The following PATL1 variants were observed in gnomAD, a reference collection of about 807,000 sequenced individuals.
PATL1 encodes the protein PAT1 homolog 1, processing body mRNA decay factor, also known as protein PAT1 homolog 1.
A neutral mutation model predicts 100.6 loss-of-function variants in PATL1; 32 were observed. That is an observed-to-expected ratio of 0.32 (90% CI 0.24 to 0.43). The LOEUF (loss-of-function observed/expected upper bound fraction) is 0.43. PATL1 is among the 20% of genes least tolerant of loss of function. PATL1 has a pLI of 1.00. For missense variants in PATL1, 747 were observed against 949.9 expected (o/e 0.79, Z 2.81); for synonymous variants, 332 against 330.0 (o/e 1.01, Z -0.07).
At chr11:59,638,932 C>T (rs1016268411) in intron 18 of PATL1, 116 bp downstream of exon 18, 194 of 1,183,664 alleles carry the variant, frequency 1.6e-4, no homozygotes, top group Non-Finnish European at 2.1e-4. Flanking sequence ...ATCCACCCTC[C>T]TGGGTGTCCT....
At chr11:59,658,275 T>C (rs1736440397) in intron 4 of PATL1, among the ~76,000 whole-genome samples, 1 of 151,942 alleles carries the variant, frequency 6.6e-6, no homozygotes, top group African/African-American at 2.4e-5. Context: ...CAACCACTAG[T>C]AAACACTGAT....
intron 2 of PATL1, among the ~76,000 whole-genome samples, chr11:59,664,470 GA>G (rs1158180745): frequency 6.6e-6 from 1 of 152,108 alleles, no homozygotes; most frequent in Non-Finnish European, 1.5e-5. Flanking sequence ...TAATACTGAA[GA>G]ATTTGTTGAA....
At chr11:59,658,006 T>TA (rs1861561959) in intron 4 of PATL1, among the ~76,000 whole-genome samples, 2 of 151,414 alleles carry the variant, frequency 1.3e-5, no homozygotes, top group Non-Finnish European at 2.9e-5. Flanking sequence ...TATACAAAAA[T>TA]AAAAAAACTA....
intron 3 of PATL1, 49 bp from the exon 4 acceptor site, chr11:59,658,995 G>A (rs1279145711): frequency 6.9e-7 from 1 of 1,459,034 alleles, no homozygotes; most frequent in Non-Finnish European, 9.3e-7. Context: ...TATACTCTCT[G>A]GGTGACTTAT....
chr11:59,639,195 G>A lies in PATL1; in HGVS notation c.2144C>T (p.Thr715Met), dbSNP rs369053417. Residue 715 changes from threonine to methionine, a missense_variant and splice_region_variant, in exon 18 of 19, where the codon ACG (threonine) becomes ATG (methionine). Physicochemically the swap from Thr to Met is moderately conservative, Grantham distance 81 (BLOSUM62 -1). Transcript: ENST00000300146. ...ATESTQNNQWTEVMFMATREL... is the reference protein window; with the variant it reads ...ATESTQNNQWMEVMFMATREL... ...TCGTGTTGCCATGAACATCACCTCCGTCCTGACAGGGAAGACCCATAATAA... is the reference window on the plus strand; with the variant it reads ...TCGTGTTGCCATGAACATCACCTCCATCCTGACAGGGAAGACCCATAATAA... The A allele has an allele frequency of 1.2e-5, 19 of 1,613,642 alleles. No individual in the cohort carries two copies. The highest frequency in any genetic ancestry group is 1.6e-4 in the Middle Eastern group (1 of 6,062).
intron 2 of PATL1, among the ~76,000 whole-genome samples, chr11:59,662,837 T>C (rs1861643803): frequency 6.6e-6 from 1 of 152,184 alleles, no homozygotes; most frequent in African/African-American, 2.4e-5. Context: ...TCCTATCAAA[T>C]ATGGATAATC....
chr11:59,643,149 G>T (rs990081176), intron 15 of PATL1, 114 bp from the exon 16 acceptor site: 15 of 1,120,878 alleles, frequency 1.3e-5, no homozygotes, highest in Non-Finnish European at 1.6e-5. Context: ...TAAGGCACAA[G>T]TCTGGCAGAT....
At chr11:59,654,568 T>C (rs184464065) in intron 8 of PATL1, among the ~76,000 whole-genome samples, 116 of 151,996 alleles carry the variant, frequency 7.6e-4, no homozygotes, top group African/African-American at 2.3e-3. Flanking sequence ...ACATATCTTC[T>C]ACAAAGACCA....
intron 16 of PATL1, chr11:59,642,577 G>A (rs1861300782): frequency 4.5e-6 from 1 of 222,372 alleles, no homozygotes; most frequent in Admixed American, 5.7e-5. Context: ...AGCCATCTTG[G>A]ACCATGAGGA....
intron 2 of PATL1, among the ~76,000 whole-genome samples, chr11:59,660,445 TA>T (rs1021898004): frequency 6.6e-6 from 1 of 152,216 alleles, no homozygotes; most frequent in African/African-American, 2.4e-5. Flanking sequence ...ATTGAAAATT[TA>T]AATAGATGGT....
chr11:59,651,519 A>G, intron 12 of PATL1, 25 bp downstream of exon 12: 1 of 1,561,688 alleles, frequency 6.4e-7, no homozygotes, highest in South Asian at 1.1e-5. Context: ...GACGTTCTTA[A>G]ACAGACAATT....
rs907969555 is a variant in PATL1, at chr11:59,642,902, A to G, written c.2027T>C (p.Leu676Pro). Residue 676 changes from leucine to proline, a missense_variant, in exon 16 of 19, where the codon CTC (leucine) becomes CCC (proline). By Grantham distance (98) the Leu-to-Pro change is moderately conservative. Around this residue, in one of 4 missense-constraint regions of PATL1, gnomAD observed 434 missense variants for 596.1 expected, o/e 0.73. Coordinates refer to ENST00000300146, the MANE Select transcript of PATL1 (RefSeq NM_152716.3). ...CACCTTGTTCTGGAGCACAGCAGTG[A>G]GGTGAGGATTGGAGAGTGCTGGTGT... is the stretch of plus-strand genomic sequence containing the variant. ...AATPALSNPH[L>P]TAVLQNKFGL... 6.2e-7 allele frequency: 1 copy of G among 1,613,724 alleles called. No individual in the cohort carries two copies. The highest frequency in any genetic ancestry group is 1.7e-5 in the Admixed American group (1 of 59,978).
At chr11:59,649,425 T>C in intron 14 of PATL1, 37 bp downstream of exon 14, 2 of 1,602,440 alleles carry the variant, frequency 1.2e-6, no homozygotes, top group Non-Finnish European at 1.7e-6. Flanking sequence ...GAGGAAGGAG[T>C]CCAGTTAATG....
chr11:59,648,357 T>C (rs965666648), intron 14 of PATL1, among the ~76,000 whole-genome samples: 19 of 150,846 alleles, frequency 1.3e-4, no homozygotes, highest in African/African-American at 4.4e-4. Context: ...AGCTGATTTT[T>C]ATATTTTTCT....
chr11:59,668,759 G>A (rs1274379141), intron 1 of PATL1, 122 bp downstream of exon 1: 7 of 543,110 alleles, frequency 1.3e-5, no homozygotes, highest in South Asian at 1.2e-4. Flanking sequence ...GTCCAGCTAA[G>A]TCCTGCGACT....
At chr11:59,654,627 G>A (rs764699864) in intron 8 of PATL1, among the ~76,000 whole-genome samples, 1 of 152,008 alleles carries the variant, frequency 6.6e-6, no homozygotes, top group Non-Finnish European at 1.5e-5. Flanking sequence ...GAGTAAAGCA[G>A]TATAATTCTT....
Position 59,656,380 on chromosome 11 carries a change from A to T in PATL1, c.723+119T>A, listed in dbSNP as rs886274370. ...TAGATCCAGCAATTTAAGTAAGGAG[A>T]TTATAAAAAATAGGTATAATTTAGG... On this transcript the variant is annotated intron_variant, in intron 6 of 18. Coordinates refer to ENST00000300146, the MANE Select transcript of PATL1 (RefSeq NM_152716.3). 6.0e-6 allele frequency: 5 copies of T among 828,296 alleles called. No homozygotes were observed. The African/African-American group carries it at 6.9e-5, about 11-fold the overall frequency. 51.3% of individuals were successfully genotyped at this position (828,296 alleles called of 1,614,324 possible).
intron 11 of PATL1, among the ~76,000 whole-genome samples, 187 bp downstream of exon 11, chr11:59,652,275 CAT>C (rs1329110413): frequency 3.3e-5 from 5 of 152,124 alleles, no homozygotes; most frequent in South Asian, 2.1e-4. Flanking sequence ...TAAAAAGGCA[CAT>C]GTCAAAGCGT....
chr11:59,656,387 A>C, intron 6 of PATL1, 112 bp downstream of exon 6: 1 of 888,586 alleles, frequency 1.1e-6, no homozygotes, highest in Non-Finnish European at 1.7e-6. Flanking sequence ...GAGATTATAA[A>C]AAATAGGTAT....
Sources: allele counts gnomAD v4.1 joint callset (sites outside exome capture counted in the v4.1 genomes callset), GRCh38; gene constraint gnomAD v4.1.1; regional missense constraint gnomAD v4.1.1; transcripts MANE v1.5; gene names NCBI Gene and HGNC (gene_info 2026-07-23, HGNC 2026-07-21).